MGAT4C: variants seen among roughly 807,000 people sequenced by gnomAD.
MGAT4C encodes the protein MGAT4 family member C, also known as alpha-1,3-mannosyl-glycoprotein 4-beta-N-acetylglucosaminyltransferase C.
A neutral mutation model predicts 40.1 loss-of-function variants in MGAT4C; 19 were observed. The observed-to-expected ratio is 0.47, with a 90% CI of 0.33 to 0.70. The LOEUF (loss-of-function observed/expected upper bound fraction) is 0.70, where lower values mean the gene tolerates loss of function less well. Among genes scored for constraint, MGAT4C ranks in the 30% least tolerant of loss-of-function variants. The pLI, the probability that MGAT4C is intolerant of heterozygous loss-of-function variation, is 0.02. For missense variants in MGAT4C, 491 were observed against 563.2 expected, an observed-to-expected ratio of 0.87 and a Z score of 1.30; for synonymous variants, 181 against 187.1, an observed-to-expected ratio of 0.97 and a Z score of 0.27.
intron 2 of MGAT4C, among the ~76,000 whole-genome samples, chr12:86,450,181 G>A (rs1470730682): frequency 3.9e-5 from 6 of 151,928 alleles, no homozygotes; most frequent in Non-Finnish European, 8.8e-5. Context: ...GAGTAAATGA[G>A]ATTTCTAGTC....
rs767169663 is a variant in MGAT4C at position 85,989,450 on chromosome 12, C to A, written c.97G>T (p.Val33Phe). 3.1e-6 allele frequency: 5 copies of A among 1,607,376 alleles called. No homozygotes were observed. Among genetic ancestry groups the A allele is most frequent in the Middle Eastern group, 1.7e-4 (1 of 6,036 alleles). ...RSTVSFLGVLVIFLLFMNLYI... is the reference protein window; with the variant it reads ...RSTVSFLGVLFIFLLFMNLYI... ...AAGTTCATAAAAAGGAGAAAAATGA[C>A]AAGAACTCCCAAGAATGACACTGTA... Residue 33 changes from valine (V) to phenylalanine (F), a missense_variant, in exon 3 of 5, where the codon GTC becomes TTC. Val to Phe is a conservative substitution (Grantham distance 50). Transcript: ENST00000611864.
chr12:86,194,614 C>A (rs1023288035), intron 1 of MGAT4C, among the ~76,000 whole-genome samples: 2 of 149,552 alleles, frequency 1.3e-5, no homozygotes, highest in African/African-American at 5.0e-5. Flanking sequence ...GGCACCATGC[C>A]CAACTAATTT....
At chr12:86,685,979 C>T (rs1028394964) in intron 2 of MGAT4C, among the ~76,000 whole-genome samples, 5 of 151,830 alleles carry the variant, frequency 3.3e-5, no homozygotes, top group Non-Finnish European at 7.4e-5. Context: ...TCTCCTGCCT[C>T]AGCCTCCTGA....
chr12:86,188,170 G>T (rs954962403), intron 1 of MGAT4C, among the ~76,000 whole-genome samples: 21 of 152,030 alleles, frequency 1.4e-4, no homozygotes, highest in African/African-American at 4.6e-4. Context: ...TAGCCAGAAT[G>T]ATGATGAGAA....
chr12:86,103,405 C>T (rs569092013), intron 1 of MGAT4C, among the ~76,000 whole-genome samples: 42 of 152,188 alleles, frequency 2.8e-4, no homozygotes, highest in Admixed American at 2.8e-3. Flanking sequence ...AGAACACACA[C>T]AGAAAAGGAA....
At chr12:86,286,940 G>A (rs2406121) in intron 4 of MGAT4C, among the ~76,000 whole-genome samples, 113,608 of 152,060 alleles carry the variant, frequency 0.75, 43,626 homozygotes, top group Non-Finnish European at 0.83. Flanking sequence ...GTGGGTGCAT[G>A]GTATTCCATG....
At chr12:86,631,448 T>C (rs1264961247) in intron 2 of MGAT4C, among the ~76,000 whole-genome samples, 1 of 151,974 alleles carries the variant, frequency 6.6e-6, no homozygotes, top group Non-Finnish European at 1.5e-5. Flanking sequence ...CATTGCCAAG[T>C]CAATCCTAAG....
rs993640247 is a variant in MGAT4C at position 86,386,031 on chromosome 12, C to A, written c.-120+49126G>T. On this transcript the variant is annotated intron_variant, in intron 3 of 7. Coordinates refer to the MGAT4C transcript ENST00000548651. The stretch of plus-strand genomic sequence containing the variant: ...CTGCAACCTCCGCCTCCCGGATTCA[C>A]GCCATTCTCCTGCCTCATCCTCCTG... Among the ~76,000 whole-genome samples, 5 of 152,158 alleles carry A rather than the reference C, an allele frequency of 3.3e-5. No individual in the cohort carries two copies. In the East Asian group the frequency reaches 9.7e-4, roughly 30 times the overall value.
At chr12:86,676,745 G>C (rs1964409079) in intron 2 of MGAT4C, among the ~76,000 whole-genome samples, 1 of 152,116 alleles carries the variant, frequency 6.6e-6, no homozygotes. Flanking sequence ...CCAGGAGACA[G>C]TTAATTGAAC....
Position 86,834,430 on chromosome 12 carries a change from T to C in MGAT4C, c.-262+4236A>G, listed in dbSNP as rs1952995777. Among the ~76,000 whole-genome samples the C allele has an allele frequency of 2.0e-5, 3 of 151,874 alleles. No individual in the cohort carries two copies. In the South Asian group the frequency reaches 6.2e-4, roughly 32 times the overall value. ...AAGGAAGTCTGAAAATCAAAGTAAA[T>C]AACAGCAAACTCAACATCGGGGTGG... On this transcript the variant is annotated intron_variant, in intron 1 of 7. Transcript: ENST00000548651.
At chr12:86,407,427 T>C (rs183531826) in intron 3 of MGAT4C, among the ~76,000 whole-genome samples, 89 of 152,178 alleles carry the variant, frequency 5.8e-4, no homozygotes, top group Non-Finnish European at 1.1e-3. Context: ...AAAATGATTA[T>C]ATTATATTTA....
Position 86,690,947 on chromosome 12 carries a change from T to C in MGAT4C, c.-229+36262A>G, listed in dbSNP as rs569093060. Among the ~76,000 whole-genome samples the C allele has an allele frequency of 2.0e-5, 3 of 152,298 alleles. No homozygotes were observed. In the South Asian group the frequency reaches 6.2e-4, roughly 32 times the overall value. Reference sequence around the variant, plus strand: ...TAAGTTTTAGACTTGTATATTTCTGTCCACATTATATCTCAAATTTGATAT... The same window carrying C: ...TAAGTTTTAGACTTGTATATTTCTGCCCACATTATATCTCAAATTTGATAT... On this transcript the variant is annotated intron_variant, in intron 2 of 7. Coordinates refer to the MGAT4C transcript ENST00000548651.
At chr12:86,551,532 T>C (rs542629327) in intron 2 of MGAT4C, among the ~76,000 whole-genome samples, 6 of 152,128 alleles carry the variant, frequency 3.9e-5, no homozygotes, top group Non-Finnish European at 7.4e-5. Flanking sequence ...CACCCCCACA[T>C]TGGCCAAGTA....
intron 3 of MGAT4C, among the ~76,000 whole-genome samples, chr12:86,338,417 C>T (rs1013385699): frequency 3.3e-5 from 5 of 152,252 alleles, no homozygotes; most frequent in Admixed American, 6.5e-5. Context: ...CTTCTAGCTG[C>T]GTGACTCCTA....
chr12:86,572,040 C>T (rs567683438), intron 2 of MGAT4C, among the ~76,000 whole-genome samples: 1 of 152,136 alleles, frequency 6.6e-6, no homozygotes, highest in Non-Finnish European at 1.5e-5. Flanking sequence ...GGCATTTGAA[C>T]CACATCTTAT....
At chr12:86,807,374 G>A (rs944952931) in intron 1 of MGAT4C, among the ~76,000 whole-genome samples, 6 of 152,082 alleles carry the variant, frequency 3.9e-5, no homozygotes, top group African/African-American at 1.2e-4. Flanking sequence ...AGAACATGCG[G>A]TGTTTGGTTT....
At chr12:86,499,339 A>G (rs1019417993) in intron 2 of MGAT4C, among the ~76,000 whole-genome samples, 1 of 151,682 alleles carries the variant, frequency 6.6e-6, no homozygotes, top group African/African-American at 2.4e-5. Flanking sequence ...TACATACTCT[A>G]TAATACACAC....
At chr12:86,619,860 C>T (rs1962581473) in intron 2 of MGAT4C, among the ~76,000 whole-genome samples, 1 of 152,116 alleles carries the variant, frequency 6.6e-6, no homozygotes, top group Non-Finnish European at 1.5e-5. Flanking sequence ...TTTCCACTAG[C>T]TTGCAAACTT....
chr12:86,193,726 A>G (rs945002349), intron 1 of MGAT4C, among the ~76,000 whole-genome samples: 1 of 152,198 alleles, frequency 6.6e-6, no homozygotes, highest in African/African-American at 2.4e-5. Context: ...AAAGTCAGCT[A>G]TAGATGACAT....
Sources: gnomAD v4.1 joint callset for allele counts (sites outside exome capture counted in the v4.1 genomes callset) on GRCh38, gnomAD v4.1.1 for gene constraint, MANE v1.5 for transcripts, NCBI Gene and HGNC (gene_info 2026-07-23, HGNC 2026-07-21) for gene names.